Variants in RTTN observed in about 807,000 individuals in gnomAD.
The protein encoded by RTTN is rotatin.
In RTTN, 182 loss-of-function variants were observed where a neutral mutation model predicts 269.2. The ratio of observed to expected loss-of-function variants is 0.68; its 90% CI spans 0.60 to 0.76. The LOEUF (loss-of-function observed/expected upper bound fraction) is 0.76, where lower values mean the gene tolerates loss of function less well. Ranked by LOEUF, RTTN falls within the 30% of genes least tolerant of loss-of-function variation. RTTN has a pLI of 0.00. For missense variants in RTTN, 2,545 were observed against 2,608.6 expected (o/e 0.98, Z 0.53); for synonymous variants, 1,006 against 963.5 (o/e 1.04, Z -0.82).
chr18:70,192,106 C>A (rs1038060230), intron 8 of RTTN, among the ~76,000 whole-genome samples: 1 of 152,106 alleles, frequency 6.6e-6, no homozygotes, highest in Non-Finnish European at 1.5e-5. Context: ...TATATAATAT[C>A]AATCCTATTC....
At chr18:70,201,106 A>G (rs1388713907) in intron 4 of RTTN, among the ~76,000 whole-genome samples, 1 of 152,254 alleles carries the variant, frequency 6.6e-6, no homozygotes, top group East Asian at 1.9e-4. Flanking sequence ...ACACAGCCAG[A>G]TACAAAAAGA....
intron 10 of RTTN, among the ~76,000 whole-genome samples, chr18:70,181,058 G>A (rs2061411931): frequency 6.6e-6 from 1 of 152,144 alleles, no homozygotes; most frequent in Non-Finnish European, 1.5e-5. Context: ...TCACAATCTG[G>A]TCCAAATATC....
At chr18:70,106,447 G>C (rs1179894232) in intron 28 of RTTN, among the ~76,000 whole-genome samples, 1 of 152,142 alleles carries the variant, frequency 6.6e-6, no homozygotes, top group African/African-American at 2.4e-5. Context: ...AACAGTATTA[G>C]GTAAGTATCC....
chr18:70,141,885 T>G (rs1275202765), intron 19 of RTTN, among the ~76,000 whole-genome samples: 2 of 152,206 alleles, frequency 1.3e-5, no homozygotes, highest in African/African-American at 4.8e-5. Flanking sequence ...TGGTACAGAT[T>G]GAAAATATGA....
intron 40 of RTTN, among the ~76,000 whole-genome samples, chr18:70,039,014 T>C (rs1304857076): frequency 2.0e-5 from 3 of 152,072 alleles, no homozygotes; most frequent in Non-Finnish European, 4.4e-5. Context: ...AGGCAAGCTA[T>C]TTGAAAACAC....
At chr18:70,157,324 AG>A (rs1346591004) in intron 14 of RTTN, among the ~76,000 whole-genome samples, 2 of 152,220 alleles carry the variant, frequency 1.3e-5, no homozygotes, top group African/African-American at 2.4e-5. Flanking sequence ...GTGCACCCCC[AG>A]GGTTAGAGCA....
At chr18:70,089,234 G>A (rs2058779082) in intron 30 of RTTN, among the ~76,000 whole-genome samples, 2 of 152,284 alleles carry the variant, frequency 1.3e-5, no homozygotes, top group Admixed American at 1.3e-4. Flanking sequence ...AGTTAAATGA[G>A]GTTATAAGGG....
At chr18:70,095,998 G>GCT (rs1555726568) in intron 28 of RTTN, among the ~76,000 whole-genome samples, 3 of 138,044 alleles carry the variant, frequency 2.2e-5, no homozygotes, top group African/African-American at 7.9e-5. Context: ...ATTCCCTTTT[G>GCT]TTTTTTTTTT....
At chr18:70,180,791 ACAGT>A (rs1346150000) in intron 10 of RTTN, among the ~76,000 whole-genome samples, 1 of 152,190 alleles carries the variant, frequency 6.6e-6, no homozygotes, top group African/African-American at 2.4e-5. Flanking sequence ...TGTCTGACAT[ACAGT>A]AAGTGCTATA....
intron 40 of RTTN, among the ~76,000 whole-genome samples, chr18:70,033,706 C>G (rs924817698): frequency 6.6e-6 from 1 of 151,500 alleles, no homozygotes; most frequent in Admixed American, 6.6e-5. Context: ...TAGTAGAACA[C>G]AAGAAATAAT....
intron 34 of RTTN, among the ~76,000 whole-genome samples, chr18:70,066,472 T>C (rs569829314): frequency 3.9e-5 from 6 of 152,292 alleles, no homozygotes; most frequent in Admixed American, 6.5e-5. Context: ...GGAAAGCAAG[T>C]ACAATTTCAC....
intron 39 of RTTN, among the ~76,000 whole-genome samples, chr18:70,050,985 G>A (rs749450065): frequency 2.0e-5 from 3 of 152,112 alleles, no homozygotes; most frequent in Non-Finnish European, 4.4e-5. Flanking sequence ...TTAAAACCTA[G>A]ATGATCGGTT....
At chr18:70,088,983 A>G (rs2145207636) in intron 30 of RTTN, among the ~76,000 whole-genome samples, 1 of 152,312 alleles carries the variant, frequency 6.6e-6, no homozygotes, top group East Asian at 1.9e-4. Flanking sequence ...TAAGTGTTGC[A>G]TGTCTATAAT....
chr18:70,015,190 T>C (rs1237520616), intron 46 of RTTN, among the ~76,000 whole-genome samples: 2 of 151,942 alleles, frequency 1.3e-5, no homozygotes, highest in East Asian at 3.9e-4. Context: ...GCAATTCTAC[T>C]ACTGGGGACT....
chr18:70,182,696 G>A (rs528667624), intron 10 of RTTN, among the ~76,000 whole-genome samples: 1 of 152,262 alleles, frequency 6.6e-6, no homozygotes, highest in East Asian at 1.9e-4. Flanking sequence ...CAGTTACATG[G>A]AGACATACTC....
chr18:70,098,862 A>C (rs1429987367), intron 28 of RTTN, among the ~76,000 whole-genome samples: 2 of 152,082 alleles, frequency 1.3e-5, no homozygotes, highest in Non-Finnish European at 2.9e-5. Context: ...TTCATTGTTC[A>C]ATTCCCACTT....
chr18:70,030,651 A>G (rs1184627850), intron 41 of RTTN, among the ~76,000 whole-genome samples: 1 of 152,208 alleles, frequency 6.6e-6, no homozygotes, highest in African/African-American at 2.4e-5. Flanking sequence ...TAGAGCAAGA[A>G]CCATCACATA....
chr18:70,127,809 T>C lies in RTTN; in HGVS notation c.3144-68A>G, dbSNP rs1006971822. The C allele has an allele frequency of 1.5e-5, 20 of 1,367,564 alleles. No homozygotes were observed. The Admixed American group carries it at 1.7e-4, about 11-fold the overall frequency. 84.7% of individuals were successfully genotyped at this position (1,367,564 alleles called of 1,614,324 possible). A position where few individuals can be genotyped will look rare whatever the true frequency, so the allele number is the denominator to read the frequency against. On this transcript the variant is annotated intron_variant, in intron 24 of 48. Transcript: ENST00000640769. The stretch of plus-strand genomic sequence containing the variant: ...TTAAATAAAAGCTCACACTTATTTC[T>C]ATTATAAACTCTCCCAAAAGCTGTT...
At chr18:70,024,934 A>G in intron 43 of RTTN, 86 bp from the exon 44 acceptor site, 1 of 1,458,722 alleles carries the variant, frequency 6.9e-7, no homozygotes, top group Non-Finnish European at 9.3e-7. Flanking sequence ...AAAGCCATCA[A>G]CATAAGACCC....
Sources: gnomAD v4.1 joint callset for allele counts (sites outside exome capture counted in the v4.1 genomes callset) on GRCh38, gnomAD v4.1.1 for gene constraint, MANE v1.5 for transcripts, NCBI Gene and HGNC (gene_info 2026-07-23, HGNC 2026-07-21) for gene names.